Variants in RNF180 observed in about 807,000 individuals in gnomAD.
The protein encoded by RNF180 is E3 ubiquitin-protein ligase RNF180.
Under a neutral mutation model 59.2 loss-of-function variants are expected in RNF180, and 38 were observed. That is an observed-to-expected ratio of 0.64 (90% CI 0.50 to 0.84). The LOEUF is 0.84. Among genes scored for constraint, RNF180 ranks in the 40% least tolerant of loss-of-function variants. RNF180 has a pLI of 0.00. For synonymous variants in RNF180, 262 were observed against 240.3 expected (o/e 1.09, Z -0.84); for missense variants, 705 against 700.9 (o/e 1.01, Z -0.07).
At chr5:64,175,398 C>G (rs1750181785) in intron 1 of RNF180, among the ~76,000 whole-genome samples, 1 of 152,126 alleles carries the variant, frequency 6.6e-6, no homozygotes, top group South Asian at 2.1e-4. Flanking sequence ...CTAACATGTG[C>G]TTATTATACC....
At chr5:64,256,921 C>G (rs1744003646) in intron 5 of RNF180, among the ~76,000 whole-genome samples, 1 of 152,034 alleles carries the variant, frequency 6.6e-6, no homozygotes, top group African/African-American at 2.4e-5. Flanking sequence ...CCTTCACGTC[C>G]CTTGTAAGTT....
intron 5 of RNF180, among the ~76,000 whole-genome samples, chr5:64,244,262 G>T (rs759385051): frequency 3.5e-4 from 53 of 152,134 alleles, no homozygotes; most frequent in Non-Finnish European, 6.3e-4. Flanking sequence ...GACAGAAGTA[G>T]GCTTCAGAAG....
chr5:64,217,614 G>A (rs1752702886), intron 5 of RNF180: 1 of 639,950 alleles, frequency 1.6e-6, no homozygotes, highest in South Asian at 7.2e-5. Context: ...CTGAACATAT[G>A]TGCTTATTTT....
At chr5:64,266,418 T>G (rs997985317) in intron 5 of RNF180, among the ~76,000 whole-genome samples, 8 of 152,168 alleles carry the variant, frequency 5.3e-5, no homozygotes, top group Non-Finnish European at 1.2e-4. Flanking sequence ...TATACAGGCT[T>G]CTTCTTTTAT....
intron 1 of RNF180, among the ~76,000 whole-genome samples, chr5:64,167,029 A>G (rs1749681678): frequency 6.6e-6 from 1 of 152,202 alleles, no homozygotes; most frequent in Non-Finnish European, 1.5e-5. Flanking sequence ...TTCAGTTTCA[A>G]ATGAGTGGTA....
At chr5:64,305,561 A>T (rs1743398792) in intron 5 of RNF180, among the ~76,000 whole-genome samples, 1 of 151,324 alleles carries the variant, frequency 6.6e-6, no homozygotes, top group Non-Finnish European at 1.5e-5. Context: ...TCACCAGTGT[A>T]TGAGTTCTAT....
Position 64,366,787 on chromosome 5 carries a change from G to A in RNF180, c.1580-2828G>A, listed in dbSNP as rs115435852. Among the ~76,000 whole-genome samples, 483 of 151,612 alleles carry A rather than the reference G, an allele frequency of 3.2e-3. 1 individual carries two copies. Among genetic ancestry groups the A allele is most frequent in the African/African-American group, 0.011 (476 of 41,472 alleles). On this transcript the variant is annotated intron_variant, in intron 7 of 7. Transcript: ENST00000389100. ...ATTTTTGGTGTCCCAGAGATGAAGT[G>A]AAAACGAAAGGGATAGGAAACATAT...
chr5:64,236,508 G>T (rs1561208863), intron 5 of RNF180, among the ~76,000 whole-genome samples: 1 of 152,328 alleles, frequency 6.6e-6, no homozygotes, highest in African/African-American at 2.4e-5. Context: ...AAATTTTGCT[G>T]CCTGACCATG....
At chr5:64,335,702 C>T (rs1217792260) in intron 7 of RNF180, among the ~76,000 whole-genome samples, 2 of 152,034 alleles carry the variant, frequency 1.3e-5, no homozygotes, top group South Asian at 4.1e-4. Flanking sequence ...TTTGATATCC[C>T]CCCTTCCAAT....
At chr5:64,181,639 G>T (rs1750589252) in intron 1 of RNF180, among the ~76,000 whole-genome samples, 1 of 152,190 alleles carries the variant, frequency 6.6e-6, no homozygotes, top group African/African-American at 2.4e-5. Flanking sequence ...GGGCAGAAAA[G>T]TGATCATGGG....
At position 64,370,004 on chromosome 5, in the gene RNF180, G is replaced by T; in HGVS notation, c.*190G>T. The T allele has an allele frequency of 2.3e-6, 1 of 431,002 alleles. No homozygotes were observed. Among genetic ancestry groups the T allele is most frequent in the Non-Finnish European group, 4.1e-6 (1 of 244,918 alleles). The allele number at this position is 431,002 out of a possible 1,614,324, so 26.7% of individuals were successfully genotyped here. Reference sequence around the variant, plus strand: ...GTAACAAACTAAACTTTATTCAAGAGCTAACCTACCCAGCACTTAGCAACA... The same window carrying T: ...GTAACAAACTAAACTTTATTCAAGATCTAACCTACCCAGCACTTAGCAACA... On this transcript the variant is annotated 3_prime_UTR_variant, in exon 8 of 8. Transcript: ENST00000389100.
chr5:64,229,678 T>A (rs1741994614), intron 5 of RNF180, among the ~76,000 whole-genome samples: 1 of 152,222 alleles, frequency 6.6e-6, no homozygotes, highest in African/African-American at 2.4e-5. Context: ...TTTTAAGGGT[T>A]AGGGTTAGAC....
chr5:64,198,955 A>G lies in RNF180; in HGVS notation c.1-1853A>G, dbSNP rs138030177. On this transcript the variant is annotated intron_variant, in intron 1 of 7. Transcript: ENST00000389100. ...CTCAGCCTCCCAAGTAGCTGGGACT[A>G]CAGGCATGTTGCCACCACACACGGC... is the stretch of plus-strand genomic sequence containing the variant. Among the ~76,000 whole-genome samples, 1,212 of 152,190 alleles carry G rather than the reference A, an allele frequency of 8.0e-3. 19 individuals carry two copies. The highest frequency in any genetic ancestry group is 0.027 in the African/African-American group (1,120 of 41,530).
At chr5:64,325,116 A>G in intron 5 of RNF180, 70 bp from the exon 6 acceptor site, 4 of 962,404 alleles carry the variant, frequency 4.2e-6, no homozygotes, top group Non-Finnish European at 6.3e-6. Context: ...ATTTTAACAA[A>G]ATATAAAGGC....
chr5:64,303,903 C>T (rs1324406175), intron 5 of RNF180, among the ~76,000 whole-genome samples: 2 of 151,568 alleles, frequency 1.3e-5, no homozygotes, highest in South Asian at 2.1e-4. Context: ...GAAGTCAATG[C>T]CTGACTTCAA....
At chr5:64,183,848 A>C (rs1305064279) in intron 1 of RNF180, among the ~76,000 whole-genome samples, 1 of 152,196 alleles carries the variant, frequency 6.6e-6, no homozygotes, top group Non-Finnish European at 1.5e-5. Context: ...GTGTTCTTTA[A>C]TGGATTTTCT....
chr5:64,189,853 C>G (rs1470013512), intron 1 of RNF180, among the ~76,000 whole-genome samples: 1 of 152,122 alleles, frequency 6.6e-6, no homozygotes, highest in Non-Finnish European at 1.5e-5. Context: ...GGAGACAAGA[C>G]AGGACAAAAT....
intron 5 of RNF180, among the ~76,000 whole-genome samples, chr5:64,313,241 A>G (rs777382912): frequency 5.3e-5 from 8 of 152,044 alleles, no homozygotes; most frequent in Non-Finnish European, 1.0e-4. Context: ...TGTTGTATAG[A>G]TTAATTAATC....
chr5:64,180,319 T>A (rs1043143783), intron 1 of RNF180, among the ~76,000 whole-genome samples: 1 of 152,202 alleles, frequency 6.6e-6, no homozygotes, highest in Non-Finnish European at 1.5e-5. Context: ...AATATCTTAC[T>A]TTCAAAATTT....
Sources: gnomAD v4.1 joint callset for allele counts (sites outside exome capture counted in the v4.1 genomes callset) on GRCh38, gnomAD v4.1.1 for gene constraint, MANE v1.5 for transcripts, NCBI Gene and HGNC (gene_info 2026-07-23, HGNC 2026-07-21) for gene names.